The following DBNDD1 variants were observed in gnomAD, a reference collection of about 807,000 sequenced individuals.
DBNDD1 encodes the protein dysbindin domain-containing protein 1.
Under a neutral mutation model 17.0 loss-of-function variants are expected in DBNDD1, and 14 were observed. The ratio of observed to expected loss-of-function variants is 0.82; its 90% CI spans 0.54 to 1.29. The LOEUF is 1.29. DBNDD1 is among the 50% of genes most tolerant of loss of function. The probability of loss-of-function intolerance (pLI) is 0.00; values close to 1 mark genes in which losing one functional copy is unlikely to be tolerated. For missense variants in DBNDD1, 221 were observed against 216.2 expected (o/e 1.02, Z -0.14); for synonymous variants, 105 against 102.0 (o/e 1.03, Z -0.18).
At position 90,008,742 on chromosome 16, in the gene DBNDD1, C is replaced by T. The variant is rs762246121; in HGVS notation, c.319+42G>A. 1.3e-5 allele frequency: 21 copies of T among 1,571,970 alleles called. No homozygotes were observed. The South Asian group carries it at 2.4e-4, about 18-fold the overall frequency. ...CAGGACTTCCCAAGGGGCCTCAGCC[C>T]ACCAGGCACACCTCCCAGCCCAGCC... On this transcript the variant is annotated intron_variant, in intron 3 of 3. Transcript: ENST00000002501.
rs1403762587 is a variant in DBNDD1, at chr16:90,010,243, A to G, written c.32-813T>C. ...GTATTTTTAGTAGAGACGGGGTTTC[A>G]CCATGTTGGCCAGGCTGAACTCCTG... On this transcript the variant is annotated intron_variant, in intron 1 of 3. Coordinates refer to ENST00000002501, the MANE Select transcript of DBNDD1 (RefSeq NM_001042610.3). 5.9e-6 allele frequency: 3 copies of G among 507,482 alleles called. No homozygotes were observed. The African/African-American group carries it at 6.0e-5, about 10-fold the overall frequency. The allele number at this position is 507,482 out of a possible 1,614,324, so 31.4% of individuals were successfully genotyped here.
At chr16:90,006,582 C>A in intron 3 of DBNDD1, 90 bp from the exon 4 acceptor site, 1 of 1,479,012 alleles carries the variant, frequency 6.8e-7, no homozygotes, top group Non-Finnish European at 9.0e-7. Context: ...TCCTGCGCCA[C>A]TCCTGCCAAT....
upstream of DBNDD1, chr16:90,019,588 G>GC: frequency 3.8e-6 from 1 of 260,402 alleles, no homozygotes; most frequent in Non-Finnish European, 7.1e-6. This position sits in a 1 kb window ranked among gnomAD's most constrained non-coding sequence, Gnocchi z 6.1. Flanking sequence ...GCCCGCGCGC[G>GC]CCCCCTGCTG....
At chr16:90,010,298 C>T in intron 1 of DBNDD1, 1 of 367,464 alleles carries the variant, frequency 2.7e-6, no homozygotes, top group Non-Finnish European at 4.9e-6. Flanking sequence ...CCTCAGCCTC[C>T]CAAAGTGCTA....
intron 1 of DBNDD1, among the ~76,000 whole-genome samples, chr16:90,018,726 C>G (rs1386716712): frequency 2.0e-5 from 3 of 152,204 alleles, no homozygotes; most frequent in Non-Finnish European, 2.9e-5. Context: ...CTACCCTCCC[C>G]GATGAGCGTG....
intron 3 of DBNDD1, chr16:90,007,899 A>G: frequency 5.5e-6 from 1 of 180,502 alleles, no homozygotes; most frequent in Non-Finnish European, 1.1e-5. Context: ...CACCACCCAC[A>G]CCTCCCAGGA....
intron 1 of DBNDD1, among the ~76,000 whole-genome samples, chr16:90,016,943 A>G (rs2035651101): frequency 6.6e-6 from 1 of 152,116 alleles, no homozygotes; most frequent in Admixed American, 6.5e-5. Context: ...TCCTCTCTGG[A>G]TTTGGACCCC....
chr16:90,017,482 G>A (rs1022743765), intron 1 of DBNDD1, among the ~76,000 whole-genome samples: 11 of 142,026 alleles, frequency 7.7e-5, no homozygotes, highest in African/African-American at 2.6e-4. Flanking sequence ...GCAACAGAGC[G>A]AGACTCCGTC....
At chr16:90,017,756 C>G (rs74037162) in intron 1 of DBNDD1, among the ~76,000 whole-genome samples, 3,193 of 152,306 alleles carry the variant, frequency 0.021, 110 homozygotes, top group African/African-American at 0.073. Flanking sequence ...GTAGGCATCA[C>G]TGGCCACTTT....
At chr16:90,014,166 C>CG (rs1567835563) in intron 1 of DBNDD1, among the ~76,000 whole-genome samples, 9 of 150,946 alleles carry the variant, frequency 6.0e-5, no homozygotes, top group Admixed American at 1.3e-4. Context: ...CTCGCTCTGT[C>CG]ACCAGGCTGG....
At chr16:90,017,381 G>A (rs1165664512) in intron 1 of DBNDD1, among the ~76,000 whole-genome samples, 1 of 152,116 alleles carries the variant, frequency 6.6e-6, no homozygotes, top group Admixed American at 6.5e-5. Context: ...TGTAGTCCCA[G>A]CCACTGGGGA....
In DBNDD1 at chr16:90,009,275, A is replaced by C. The variant is rs548121368; in HGVS notation, c.178+9T>G. 6.3e-5 allele frequency: 101 copies of C among 1,612,702 alleles called. No individual in the cohort carries two copies. The highest frequency in any genetic ancestry group is 8.3e-5 in the Admixed American group (5 of 59,958). The stretch of plus-strand genomic sequence containing the variant: ...CCATAGCGTGCGCTGGGCAGGGAGC[A>C]GTACTTACGCCTCCTCTCCGTGACC... On this transcript the variant is annotated intron_variant, in intron 2 of 3. Coordinates refer to ENST00000002501, the MANE Select transcript of DBNDD1 (RefSeq NM_001042610.3).
intron 1 of DBNDD1, chr16:90,010,198 A>C: frequency 1.6e-6 from 1 of 634,742 alleles, no homozygotes; most frequent in Non-Finnish European, 2.7e-6. Flanking sequence ...GGCATGCACC[A>C]GCACGCCCGG....
At chr16:90,017,993 C>T (rs2035673999) in intron 1 of DBNDD1, among the ~76,000 whole-genome samples, 2 of 152,206 alleles carry the variant, frequency 1.3e-5, no homozygotes, top group South Asian at 2.1e-4. Context: ...GGAAGTCCTC[C>T]TTTTTTCCCA....
intron 2 of DBNDD1, 84 bp downstream of exon 2, chr16:90,009,200 A>G: frequency 6.4e-7 from 1 of 1,565,298 alleles, no homozygotes; most frequent in Non-Finnish European, 8.6e-7. Context: ...GAGTGTTTGG[A>G]CAGGAGGTGG....
intron 1 of DBNDD1, among the ~76,000 whole-genome samples, chr16:90,013,792 G>A (rs541309138): frequency 6.6e-6 from 1 of 152,312 alleles, no homozygotes; most frequent in South Asian, 2.1e-4. Flanking sequence ...GATGATTCCT[G>A]CCCTTCTGAG....
rs371970951 is a variant in DBNDD1 at position 90,016,656 on chromosome 16, C to T, written c.31+2655G>A. 7.2e-5 allele frequency among the ~76,000 whole-genome samples: 11 copies of T among 152,248 alleles called. No individual in the cohort carries two copies. In the East Asian group the frequency reaches 7.7e-4, roughly 11 times the overall value. Reference sequence around the variant, plus strand: ...AGCCAGGAGTTGGGGTGCCTCAGCCCGGCCCCCCAGGCTTCCCTGAGGGCT... The same window carrying T: ...AGCCAGGAGTTGGGGTGCCTCAGCCTGGCCCCCCAGGCTTCCCTGAGGGCT... On this transcript the variant is annotated intron_variant, in intron 1 of 3. Transcript: ENST00000002501.
chr16:90,005,060 C>T lies in DBNDD1; in HGVS notation c.*1275G>A, dbSNP rs1374601459. The T allele has an allele frequency of 6.6e-6, 1 of 152,654 alleles. No homozygotes were observed. Among genetic ancestry groups the T allele is most frequent in the Non-Finnish European group, 1.5e-5 (1 of 68,176 alleles). The allele number at this position is 152,654 out of a possible 1,614,324, so 9.5% of individuals were successfully genotyped here. A position where few individuals can be genotyped will look rare whatever the true frequency, so the allele number is the denominator to read the frequency against. ...TGTGACTGGAAACCAGGGAAGGAGA[C>T]CTGGCTGAGGCAGGAACTGGGTTTG... On this transcript the variant is annotated 3_prime_UTR_variant, in exon 4 of 4. Coordinates refer to ENST00000002501, the MANE Select transcript of DBNDD1 (RefSeq NM_001042610.3).
chr16:90,014,428 A>G (rs116079610), intron 1 of DBNDD1, among the ~76,000 whole-genome samples: 1,563 of 152,102 alleles, frequency 0.01, 31 homozygotes, highest in African/African-American at 0.036. Context: ...CCGGGCCAAT[A>G]CCTGCATTTT....
Sources: allele counts gnomAD v4.1 joint callset (sites outside exome capture counted in the v4.1 genomes callset), GRCh38; gene constraint gnomAD v4.1.1; non-coding constraint Gnocchi (gnomAD v3.1); transcripts MANE v1.5; gene names NCBI Gene and HGNC (gene_info 2026-07-23, HGNC 2026-07-21).